Variants in NLRC5 observed in about 807,000 individuals in gnomAD.
NLRC5 encodes the protein NLR family CARD domain containing 5.
In NLRC5, 114 loss-of-function variants were observed where a neutral mutation model predicts 206.9. The observed-to-expected ratio is 0.55, with a 90% CI of 0.47 to 0.64. The LOEUF is 0.64. NLRC5 is among the 30% of genes least tolerant of loss of function. The pLI, the probability that NLRC5 is intolerant of heterozygous loss-of-function variation, is 0.00. For synonymous variants in NLRC5, 952 were observed against 962.8 expected (o/e 0.99, Z 0.21); for missense variants, 2,008 against 2,305.5 (o/e 0.87, Z 2.64).
chr16:56,991,656 G>C (rs574591130), intron 1 of NLRC5, among the ~76,000 whole-genome samples: 16 of 148,400 alleles, frequency 1.1e-4, no homozygotes, highest in Non-Finnish European at 1.5e-4. Context: ...GATTATAGGC[G>C]TGAGCCATCT....
chr16:57,035,260 A>C (rs1016722033), intron 13 of NLRC5, among the ~76,000 whole-genome samples: 1 of 151,798 alleles, frequency 6.6e-6, no homozygotes, highest in African/African-American at 2.4e-5. Flanking sequence ...ACCCACCCTC[A>C]TCTCTTACCT....
intron 38 of NLRC5, among the ~76,000 whole-genome samples, chr16:57,073,948 TG>T (rs1746661897): frequency 6.6e-6 from 1 of 152,244 alleles, no homozygotes; most frequent in African/African-American, 2.4e-5. Flanking sequence ...CTCTGTTCTT[TG>T]GCCTCCTCAT....
At chr16:57,077,445 C>T in intron 41 of NLRC5, 66 bp downstream of exon 41, 1 of 1,424,100 alleles carries the variant, frequency 7.0e-7, no homozygotes. Context: ...GATACTGGCC[C>T]CTAGCTGAGG....
At chr16:57,079,814 G>A (rs576279729) in intron 46 of NLRC5, among the ~76,000 whole-genome samples, 185 bp downstream of exon 46, 13 of 152,184 alleles carry the variant, frequency 8.5e-5, no homozygotes, top group Admixed American at 4.6e-4. Flanking sequence ...TAACACTTGA[G>A]CTGCAGGTAA....
Position 57,059,551 on chromosome 16 carries a change from T to A in NLRC5, c.3986+19T>A. ...CACTCAGGTAATCCCTGCAGGGTGA[T>A]GGGACAGGGGACAGAGAGGGGAGAG... On this transcript the variant is annotated intron_variant, in intron 30 of 48. Transcript: ENST00000688547. The A allele has an allele frequency of 6.2e-7, 1 of 1,601,386 alleles. No homozygotes were observed. Among genetic ancestry groups the A allele is most frequent in the South Asian group, 1.1e-5 (1 of 89,386 alleles).
At chr16:57,045,164 A>T in intron 20 of NLRC5, 1 of 398,252 alleles carries the variant, frequency 2.5e-6, no homozygotes, top group East Asian at 5.5e-5. Flanking sequence ...CCATGACTGC[A>T]CCACTGCACA....
At chr16:57,070,643 T>A in intron 38 of NLRC5, 25 bp downstream of exon 38, 1 of 1,598,372 alleles carries the variant, frequency 6.3e-7, no homozygotes, top group Non-Finnish European at 8.6e-7. Flanking sequence ...TGGTTGTGGG[T>A]GAGTGAGTGG....
At position 57,054,755 on chromosome 16, in the gene NLRC5, A is replaced by T. The variant is rs1403932826; in HGVS notation, c.3511A>T (p.Ser1171Cys). The stretch of plus-strand genomic sequence containing the variant: ...TCTACCCCCTTTCCTTTTCAGGCTG[A>T]GCCAGACGGGACTGTCCCCGAAAAG... ...QLPQLSLLQL[S>C]QTGLSPKSPF... The change falls in exon 25 of 49, where the codon AGC becomes TGC. Residue 1171 changes from serine to cysteine, a missense_variant. Coordinates refer to ENST00000688547, the MANE Select transcript of NLRC5 (RefSeq NM_001384950.1). 1 of 1,608,540 alleles carries T rather than the reference A, an allele frequency of 6.2e-7. No homozygotes were observed. The highest frequency in any genetic ancestry group is 8.5e-7 in the Non-Finnish European group (1 of 1,176,908).
intron 1 of NLRC5, among the ~76,000 whole-genome samples, chr16:57,004,856 G>A (rs987054873): frequency 2.0e-5 from 3 of 152,152 alleles, no homozygotes; most frequent in Non-Finnish European, 1.5e-5. Flanking sequence ...AAACCAGGGT[G>A]GGGTAAACTC....
chr16:57,070,226 G>A (rs1234223793), intron 37 of NLRC5, among the ~76,000 whole-genome samples: 3 of 145,878 alleles, frequency 2.1e-5, no homozygotes, highest in South Asian at 2.3e-4. Context: ...GTCAGGCTAC[G>A]GAGAGGGCTG....
chr16:57,036,308 C>A (rs1423607895), intron 14 of NLRC5, 125 bp downstream of exon 14: 1 of 850,958 alleles, frequency 1.2e-6, no homozygotes, highest in Non-Finnish European at 1.9e-6. Context: ...CCAACTCCAG[C>A]AAAGTCAAGA....
At chr16:56,999,096 T>C (rs2057962389) in intron 1 of NLRC5, among the ~76,000 whole-genome samples, 1 of 152,236 alleles carries the variant, frequency 6.6e-6, no homozygotes. Context: ...TATCCTCACA[T>C]GGTGCAAAGC....
chr16:57,075,618 C>A (rs573965214), intron 39 of NLRC5, among the ~76,000 whole-genome samples: 2 of 152,130 alleles, frequency 1.3e-5, no homozygotes, highest in African/African-American at 2.4e-5. Flanking sequence ...GATGGGGTGG[C>A]CTTCCTACAC....
intron 38 of NLRC5, among the ~76,000 whole-genome samples, chr16:57,072,979 C>T (rs552794055): frequency 2.0e-5 from 3 of 152,248 alleles, no homozygotes; most frequent in African/African-American, 7.2e-5. Flanking sequence ...ACAGGGCCCT[C>T]CTGTCGTCTC....
At chr16:57,041,020 G>A (rs1382466307) in intron 17 of NLRC5, among the ~76,000 whole-genome samples, 4 of 152,144 alleles carry the variant, frequency 2.6e-5, no homozygotes, top group African/African-American at 9.7e-5. Flanking sequence ...GTGAAGGGGA[G>A]CACTGGGCTC....
rs141790456 is a variant in NLRC5 at position 57,057,147 on chromosome 16, G to A, written c.3747-918G>A. Among the ~76,000 whole-genome samples, 23 of 152,300 alleles carry A rather than the reference G, an allele frequency of 1.5e-4. No homozygotes were observed. In the East Asian group the frequency reaches 2.3e-3, roughly 15 times the overall value. Reference sequence around the variant, plus strand: ...AAACTGTAGTTAAAACTAGCTGGGCGTGGTGGCTCACGCCTGTAATCCCAG... The same window carrying A: ...AAACTGTAGTTAAAACTAGCTGGGCATGGTGGCTCACGCCTGTAATCCCAG... On this transcript the variant is annotated intron_variant, in intron 27 of 48. Coordinates refer to ENST00000688547, the MANE Select transcript of NLRC5 (RefSeq NM_001384950.1).
intron 48 of NLRC5, among the ~76,000 whole-genome samples, chr16:57,082,151 C>A (rs1357556203): frequency 1.3e-5 from 2 of 152,212 alleles, no homozygotes; most frequent in African/African-American, 2.4e-5. Context: ...GAAAGAGGGT[C>A]TTTTCCTTAT....
Position 57,020,854 on chromosome 16 carries a change from T to C in NLRC5, c.142T>C (p.Leu48=). The part of the protein sequence containing the change: ...NTDLDSRNET[L]DPEQRVILQL... Reference sequence around the variant, plus strand: ...GGACCTGGATTCCAGGAACGAGACCTTGGACCCTGAACAGAGAGTCATCCT... The same window carrying C: ...GGACCTGGATTCCAGGAACGAGACCCTGGACCCTGAACAGAGAGTCATCCT... Residue 48 remains leucine (L), a synonymous_variant, in exon 3 of 49, where the codon TTG becomes CTG. Transcript: ENST00000688547. The C allele has an allele frequency of 6.2e-7, 1 of 1,613,662 alleles. No homozygotes were observed. The highest frequency in any genetic ancestry group is 8.5e-7 in the Non-Finnish European group (1 of 1,179,928).
At chr16:57,054,727 G>C (rs371221670) in intron 24 of NLRC5, 24 bp from the exon 25 acceptor site, 1 of 1,495,272 alleles carries the variant, frequency 6.7e-7, no homozygotes, top group Non-Finnish European at 9.1e-7. Flanking sequence ...TCATCTTGCC[G>C]GATCTACCCC....
Sources: allele counts gnomAD v4.1 joint callset (sites outside exome capture counted in the v4.1 genomes callset), GRCh38; gene constraint gnomAD v4.1.1; transcripts MANE v1.5; gene names NCBI Gene and HGNC (gene_info 2026-07-23, HGNC 2026-07-21).